NSMCE2: variants seen among roughly 807,000 people sequenced by gnomAD.
NSMCE2 encodes NSE2 SUMO ligase component of SMC5/6 complex.
A neutral mutation model predicts 23.8 loss-of-function variants in NSMCE2; 24 were observed. The ratio of observed to expected loss-of-function variants is 1.01; its 90% CI spans 0.73 to 1.42. The LOEUF (loss-of-function observed/expected upper bound fraction) is 1.42, where lower values mean the gene tolerates loss of function less well. Among genes scored for constraint, NSMCE2 ranks in the 40% most tolerant of loss-of-function variants. NSMCE2 has a pLI of 0.00. For missense variants in NSMCE2, 284 were observed against 296.5 expected, an observed-to-expected ratio of 0.96 and a Z score of 0.31; for synonymous variants, 92 against 94.1, an observed-to-expected ratio of 0.98 and a Z score of 0.13.
At chr8:125,170,376 C>CTTTTTTTTTTTTTTTTTT (rs565593006) in intron 4 of NSMCE2, among the ~76,000 whole-genome samples, 4 of 37,860 alleles carry the variant, frequency 1.1e-4, no homozygotes, top group African/African-American at 1.7e-4. Flanking sequence ...CTCTTTATTT[C>CTTTTTTTTTTTTTTTTTT]TTTTTTTTTT....
chr8:125,218,954 TG>T (rs1354390385), intron 5 of NSMCE2, among the ~76,000 whole-genome samples: 1 of 152,232 alleles, frequency 6.6e-6, no homozygotes, highest in African/African-American at 2.4e-5. Flanking sequence ...GGACTCCATT[TG>T]GTCTCTGCAG....
intron 5 of NSMCE2, among the ~76,000 whole-genome samples, chr8:125,226,269 T>C (rs1304448612): frequency 1.3e-5 from 2 of 151,062 alleles, no homozygotes; most frequent in Non-Finnish European, 3.0e-5. Flanking sequence ...TTTAAACATG[T>C]CCAGTCTTGG....
intron 1 of NSMCE2, among the ~76,000 whole-genome samples, chr8:125,096,091 C>T (rs1817916264): frequency 6.6e-6 from 1 of 152,130 alleles, no homozygotes. Flanking sequence ...GCCTTGAGCT[C>T]CTTCCATGCA....
intron 5 of NSMCE2, among the ~76,000 whole-genome samples, chr8:125,312,303 A>G (rs1829003072): frequency 6.6e-6 from 1 of 152,054 alleles, no homozygotes; most frequent in Admixed American, 6.6e-5. Context: ...TTCTCCAGTT[A>G]CTCAAGGTTA....
intron 4 of NSMCE2, among the ~76,000 whole-genome samples, chr8:125,170,415 T>TA (rs1563694657): frequency 3.2e-5 from 3 of 93,118 alleles, no homozygotes; most frequent in East Asian, 6.5e-4. Context: ...TTTTTTTTTT[T>TA]AAGACAGAGT....
chr8:125,352,932 C>T (rs1445926647), intron 5 of NSMCE2, among the ~76,000 whole-genome samples: 1 of 152,150 alleles, frequency 6.6e-6, no homozygotes, highest in Non-Finnish European at 1.5e-5. Context: ...TCTTTTTAGA[C>T]TCTTGGTCTG....
chr8:125,127,981 C>T (rs1458136772), intron 3 of NSMCE2, among the ~76,000 whole-genome samples: 1 of 152,098 alleles, frequency 6.6e-6, no homozygotes, highest in Admixed American at 6.5e-5. Flanking sequence ...TGTCAGCGCT[C>T]AAAAAAGCTT....
At chr8:125,244,051 A>G (rs546907173) in intron 5 of NSMCE2, among the ~76,000 whole-genome samples, 1 of 152,302 alleles carries the variant, frequency 6.6e-6, no homozygotes, top group South Asian at 2.1e-4. Context: ...TAAGTAGCAT[A>G]GAATTAATTG....
rs977384770 is a variant in NSMCE2 at position 125,127,975 on chromosome 8, A to G, written c.158-23196A>G. On this transcript the variant is annotated intron_variant, in intron 3 of 7. Coordinates refer to ENST00000287437, the MANE Select transcript of NSMCE2 (RefSeq NM_173685.4). ...AATTTTCCACTTGTGGTGTCATGTC[A>G]GCGCTCAAAAAAGCTTTGGATTTTG... Among the ~76,000 whole-genome samples, 5 of 152,338 alleles carry G rather than the reference A, an allele frequency of 3.3e-5. No homozygotes were observed. The East Asian group carries it at 5.8e-4, about 18-fold the overall frequency.
intron 3 of NSMCE2, among the ~76,000 whole-genome samples, chr8:125,118,441 A>T (rs1463683058): frequency 1.3e-5 from 2 of 152,214 alleles, no homozygotes; most frequent in African/African-American, 4.8e-5. Context: ...GAGTTTCAGT[A>T]GGTCTCGAAT....
At chr8:125,302,537 T>C (rs1282758938) in intron 5 of NSMCE2, among the ~76,000 whole-genome samples, 1 of 152,064 alleles carries the variant, frequency 6.6e-6, no homozygotes, top group African/African-American at 2.4e-5. Flanking sequence ...GGGGTGAGAA[T>C]TGAGAGAAGA....
At chr8:125,309,512 C>T (rs1001561394) in intron 5 of NSMCE2, among the ~76,000 whole-genome samples, 1 of 152,046 alleles carries the variant, frequency 6.6e-6, no homozygotes, top group Non-Finnish European at 1.5e-5. Context: ...CGCTTGAGCT[C>T]GGGAGTTTGA....
At chr8:125,250,632 TTTC>T (rs1826166124) in intron 5 of NSMCE2, among the ~76,000 whole-genome samples, 1 of 152,206 alleles carries the variant, frequency 6.6e-6, no homozygotes, top group African/African-American at 2.4e-5. Flanking sequence ...CTTGCAGACA[TTTC>T]TTCGGATTTG....
intron 3 of NSMCE2, among the ~76,000 whole-genome samples, chr8:125,147,776 T>G (rs192984209): frequency 1.3e-5 from 2 of 152,320 alleles, no homozygotes; most frequent in East Asian, 3.9e-4. Flanking sequence ...TGTGTTTCTG[T>G]GTTTATCCCT....
At chr8:125,252,666 A>T (rs1404917191) in intron 5 of NSMCE2, among the ~76,000 whole-genome samples, 1 of 152,264 alleles carries the variant, frequency 6.6e-6, no homozygotes, top group Non-Finnish European at 1.5e-5. Flanking sequence ...CATAAATGGG[A>T]CATCTTATAA....
At chr8:125,328,833 A>G (rs1829771907) in intron 5 of NSMCE2, among the ~76,000 whole-genome samples, 1 of 137,354 alleles carries the variant, frequency 7.3e-6, no homozygotes, top group Non-Finnish European at 1.6e-5. Context: ...TGTCACAGCT[A>G]GAAATAATAT....
intron 7 of NSMCE2, among the ~76,000 whole-genome samples, chr8:125,362,104 C>T (rs979551594): frequency 1.3e-5 from 2 of 152,192 alleles, no homozygotes; most frequent in African/African-American, 4.8e-5. Context: ...CCCAGCCGCT[C>T]CTGCGAGGCC....
At chr8:125,263,847 G>A (rs1420251862) in intron 5 of NSMCE2, among the ~76,000 whole-genome samples, 4 of 151,956 alleles carry the variant, frequency 2.6e-5, no homozygotes, top group East Asian at 1.9e-4. Context: ...CAGCTCTAGC[G>A]TGTAAAGAGA....
chr8:125,332,265 A>G (rs1829908156), intron 5 of NSMCE2, among the ~76,000 whole-genome samples: 1 of 152,248 alleles, frequency 6.6e-6, no homozygotes, highest in Admixed American at 6.5e-5. Flanking sequence ...TCTCTAATTC[A>G]TAGATTCTTA....
Sources: gnomAD v4.1 joint callset for allele counts (sites outside exome capture counted in the v4.1 genomes callset) on GRCh38, gnomAD v4.1.1 for gene constraint, MANE v1.5 for transcripts, NCBI Gene and HGNC (gene_info 2026-07-23, HGNC 2026-07-21) for gene names.